The following ZNF804B variants were observed in gnomAD, a reference collection of about 807,000 sequenced individuals.
ZNF804B encodes zinc finger 804B.
A neutral mutation model predicts 101.4 loss-of-function variants in ZNF804B; 80 were observed. That is an observed-to-expected ratio of 0.79 (90% CI 0.66 to 0.95). ZNF804B has a LOEUF of 0.95. Ranked by LOEUF, ZNF804B falls within the 40% of genes least tolerant of loss-of-function variation. The pLI is 0.00. For synonymous variants in ZNF804B, 622 were observed against 558.8 expected (o/e 1.11, Z -1.59); for missense variants, 1,673 against 1,561.9 (o/e 1.07, Z -1.20).
chr7:89,282,538 T>A (rs567037344), intron 2 of ZNF804B, among the ~76,000 whole-genome samples: 48 of 152,306 alleles, frequency 3.2e-4, no homozygotes, highest in African/African-American at 1.1e-3. Context: ...TGTGATGGGC[T>A]GAATAATACC....
intron 1 of ZNF804B, among the ~76,000 whole-genome samples, chr7:88,986,841 A>G (rs573945575): frequency 1.7e-4 from 26 of 152,244 alleles, no homozygotes; most frequent in African/African-American, 6.3e-4. Flanking sequence ...AAGAAGAGTA[A>G]GCTCAGAGCT....
At chr7:89,280,456 T>C (rs1790073539) in intron 2 of ZNF804B, among the ~76,000 whole-genome samples, 2 of 151,838 alleles carry the variant, frequency 1.3e-5, no homozygotes, top group African/African-American at 4.8e-5. Flanking sequence ...TTCAAAAAAT[T>C]AATGAATCCA....
intron 1 of ZNF804B, among the ~76,000 whole-genome samples, chr7:88,866,073 C>A (rs1791722643): frequency 6.6e-6 from 1 of 151,588 alleles, no homozygotes; most frequent in Admixed American, 6.7e-5. Flanking sequence ...GTTAGCTAAG[C>A]AAAACTATAC....
intron 2 of ZNF804B, among the ~76,000 whole-genome samples, chr7:89,260,320 C>G (rs1446982285): frequency 6.6e-6 from 1 of 151,970 alleles, no homozygotes; most frequent in African/African-American, 2.4e-5. Flanking sequence ...CACTTCTCTT[C>G]CTTACTAATA....
intron 2 of ZNF804B, among the ~76,000 whole-genome samples, chr7:89,255,114 T>TA (rs1789606565): frequency 6.6e-6 from 1 of 152,098 alleles, no homozygotes; most frequent in Non-Finnish European, 1.5e-5. Flanking sequence ...TCAGGAAACT[T>TA]ACAGTCATGG....
At chr7:89,176,591 C>CTTTTTTTTTTTTTTTTTTTTTTTTTTTTT (rs35866405) in intron 1 of ZNF804B, among the ~76,000 whole-genome samples, 16 of 71,936 alleles carry the variant, frequency 2.2e-4, no homozygotes, top group South Asian at 6.0e-4. Context: ...TTCTTTCTTT[C>CTTTTTTTTTTTTTTTTTTTTTTTTTTTTT]TTTTTTTTTT....
At chr7:88,969,761 A>AT (rs891999529) in intron 1 of ZNF804B, among the ~76,000 whole-genome samples, 8 of 151,376 alleles carry the variant, frequency 5.3e-5, no homozygotes, top group East Asian at 2.0e-4. Context: ...GAGAGGGGAG[A>AT]TTTTTTTCTA....
chr7:88,874,712 G>T (rs1042702741), intron 1 of ZNF804B, among the ~76,000 whole-genome samples: 1 of 152,100 alleles, frequency 6.6e-6, no homozygotes, highest in Non-Finnish European at 1.5e-5. Context: ...GGCCTTTTCT[G>T]CATCTATTGA....
chr7:89,169,169 G>A (rs1361771685), intron 1 of ZNF804B, among the ~76,000 whole-genome samples: 2 of 152,116 alleles, frequency 1.3e-5, no homozygotes, highest in African/African-American at 4.8e-5. Flanking sequence ...TCAATGGCAG[G>A]TCTGTGATGG....
At chr7:88,955,440 A>C (rs1459620980) in intron 1 of ZNF804B, among the ~76,000 whole-genome samples, 1 of 151,696 alleles carries the variant, frequency 6.6e-6, no homozygotes, top group Non-Finnish European at 1.5e-5. Context: ...TAGCTGGAAA[A>C]GCAAGCCTTT....
chr7:89,335,019 T>C lies in ZNF804B; in HGVS notation c.2037T>C (p.Ser679=), dbSNP rs1367420957. The C allele has an allele frequency of 5.0e-6, 8 of 1,613,780 alleles. No homozygotes were observed. Among genetic ancestry groups the C allele is most frequent in the Non-Finnish European group, 5.9e-6 (7 of 1,179,906 alleles). The change falls in exon 4 of 4, where the codon AGT becomes AGC. Residue 679 remains serine, a synonymous_variant. Transcript: ENST00000333190. ...AAGACTTCAGTGTAATTTTGAAGAGTAACCACATCAGCATGACCAGCAAGG... is the reference window on the plus strand; with the variant it reads ...AAGACTTCAGTGTAATTTTGAAGAGCAACCACATCAGCATGACCAGCAAGG... ...HGKDFSVILK[S]NHISMTSKVS... is the part of the protein sequence containing the mutation.
intron 1 of ZNF804B, among the ~76,000 whole-genome samples, chr7:89,200,812 T>C (rs1194904139): frequency 6.6e-6 from 1 of 152,066 alleles, no homozygotes; most frequent in African/African-American, 2.4e-5. Flanking sequence ...ATTTTCTTTT[T>C]TACCCTTTGG....
Position 88,970,735 on chromosome 7 carries a change from G to A in ZNF804B, c.108+210651G>A, listed in dbSNP as rs547872049. Among the ~76,000 whole-genome samples, 6 of 143,940 alleles carry A rather than the reference G, an allele frequency of 4.2e-5. No individual in the cohort carries two copies. The South Asian group carries it at 6.6e-4, about 16-fold the overall frequency. 94.4% of individuals were successfully genotyped at this position (143,940 alleles called of 152,430 possible). On this transcript the variant is annotated intron_variant, in intron 1 of 3. Transcript: ENST00000333190. ...CGCAAGGACAAAAAAACCAAACACC[G>A]CATGTTCTCACTCTTAGGTGGGAAT...
intron 1 of ZNF804B, among the ~76,000 whole-genome samples, chr7:88,896,052 C>T (rs974917815): frequency 1.3e-5 from 2 of 152,006 alleles, no homozygotes; most frequent in African/African-American, 2.4e-5. Context: ...AGTAATTGTA[C>T]GTTGGAGAAA....
chr7:89,298,216 GTATATATATATATATATATATATATA>G (rs1171165341), intron 2 of ZNF804B, among the ~76,000 whole-genome samples: 21 of 27,526 alleles, frequency 7.6e-4, no homozygotes, highest in South Asian at 1.7e-3. Context: ...GTGTGTGTGT[GTATATATATATATATATATATATATA>G]TATATATATA....
intron 1 of ZNF804B, among the ~76,000 whole-genome samples, chr7:88,977,114 G>A (rs1240955222): frequency 6.6e-6 from 1 of 151,544 alleles, no homozygotes; most frequent in South Asian, 2.1e-4. Flanking sequence ...CCTTTTTAAT[G>A]TGTTATTGAA....
chr7:89,219,844 G>A (rs13234465), intron 2 of ZNF804B, among the ~76,000 whole-genome samples: 1 of 144,190 alleles, frequency 6.9e-6, no homozygotes, highest in Non-Finnish European at 1.5e-5. Context: ...AAATATATAT[G>A]TATATATATG....
chr7:88,983,395 T>G (rs1793718535), intron 1 of ZNF804B, among the ~76,000 whole-genome samples: 1 of 152,080 alleles, frequency 6.6e-6, no homozygotes, highest in Admixed American at 6.6e-5. Context: ...TTCAATTCAG[T>G]ACATCTAGGA....
chr7:89,000,967 A>G (rs1179744329), intron 1 of ZNF804B, among the ~76,000 whole-genome samples: 2 of 147,676 alleles, frequency 1.4e-5, no homozygotes, highest in Non-Finnish European at 3.0e-5. Context: ...CAAATTTTAT[A>G]TAATCATATA....
Sources: allele counts gnomAD v4.1 joint callset (sites outside exome capture counted in the v4.1 genomes callset), GRCh38; gene constraint gnomAD v4.1.1; transcripts MANE v1.5; gene names NCBI Gene and HGNC (gene_info 2026-07-23, HGNC 2026-07-21).